The following PAQR5 variants were observed in gnomAD, a reference collection of about 807,000 sequenced individuals.
The protein encoded by PAQR5 is membrane progestin receptor gamma.
PAQR5 carries 20 observed loss-of-function variants against 34.5 expected under a neutral mutation model. That is an observed-to-expected ratio of 0.58 (90% CI 0.41 to 0.84). The LOEUF (loss-of-function observed/expected upper bound fraction) is 0.84. PAQR5 is among the 40% of genes least tolerant of loss of function. The pLI, the probability that PAQR5 is intolerant of heterozygous loss-of-function variation, is 0.00. For missense variants in PAQR5, 378 were observed against 412.7 expected, an observed-to-expected ratio of 0.92 and a Z score of 0.73; for synonymous variants, 131 against 155.6, an observed-to-expected ratio of 0.84 and a Z score of 1.18.
intron 2 of PAQR5, among the ~76,000 whole-genome samples, chr15:69,346,318 T>TTC (rs2054769589): frequency 7.0e-6 from 1 of 143,874 alleles, no homozygotes; most frequent in Non-Finnish European, 1.5e-5. Context: ...TTTTTTTTTT[T>TTC]TTTTTGCGAC....
chr15:69,362,543 G>A (rs1465432985), intron 3 of PAQR5, among the ~76,000 whole-genome samples: 1 of 152,182 alleles, frequency 6.6e-6, no homozygotes, highest in Non-Finnish European at 1.5e-5. Context: ...TACCTTTGGT[G>A]GGATCTGTGG....
At chr15:69,380,552 T>C (rs1450367134) in intron 4 of PAQR5, among the ~76,000 whole-genome samples, 1 of 152,100 alleles carries the variant, frequency 6.6e-6, no homozygotes, top group Non-Finnish European at 1.5e-5. Flanking sequence ...AGGCAGCCTG[T>C]AGATGGAGCC....
At position 69,312,578 on chromosome 15, in the gene PAQR5, C is replaced by G. The variant is rs538351624; in HGVS notation, c.-277+13522C>G. Among the ~76,000 whole-genome samples, 12 of 151,816 alleles carry G rather than the reference C, an allele frequency of 7.9e-5. No individual in the cohort carries two copies. In the South Asian group the frequency reaches 2.5e-3, roughly 32 times the overall value. ...AACTTCGCTCCCATCTGAAGTGAGCCTCAGCCCTCTTGGTGCCTTCTTCCT... is the reference window on the plus strand; with the variant it reads ...AACTTCGCTCCCATCTGAAGTGAGCGTCAGCCCTCTTGGTGCCTTCTTCCT... On this transcript the variant is annotated intron_variant, in intron 1 of 8. Coordinates refer to ENST00000395407, the MANE Select transcript of PAQR5 (RefSeq NM_017705.4).
intron 1 of PAQR5, among the ~76,000 whole-genome samples, chr15:69,331,820 G>C (rs2054386472): frequency 6.6e-6 from 1 of 152,216 alleles, no homozygotes; most frequent in Non-Finnish European, 1.5e-5. Flanking sequence ...TTGCTGGGAT[G>C]GAAAATGTTA....
chr15:69,335,368 C>T (rs1433925181), intron 1 of PAQR5, among the ~76,000 whole-genome samples: 1 of 147,150 alleles, frequency 6.8e-6, no homozygotes, highest in East Asian at 2.1e-4. Flanking sequence ...GCCTCAGCTG[C>T]CCAAGTAGCT....
intron 3 of PAQR5, among the ~76,000 whole-genome samples, chr15:69,371,015 C>T (rs1372711234): frequency 6.6e-6 from 1 of 152,044 alleles, no homozygotes; most frequent in East Asian, 1.9e-4. Context: ...GTGTTTATTC[C>T]ATATAATTTA....
At chr15:69,302,027 C>T (rs1037102515) in intron 1 of PAQR5, among the ~76,000 whole-genome samples, 9 of 151,466 alleles carry the variant, frequency 5.9e-5, no homozygotes, top group African/African-American at 1.9e-4. Flanking sequence ...TGTCTCTCAG[C>T]GGCTTCCTCC....
At chr15:69,343,971 C>T (rs965424998) in intron 2 of PAQR5, among the ~76,000 whole-genome samples, 1 of 152,128 alleles carries the variant, frequency 6.6e-6, no homozygotes, top group African/African-American at 2.4e-5. Context: ...GTGGCTGGGA[C>T]CACAGGCACA....
chr15:69,325,866 A>T (rs1185798964), intron 1 of PAQR5, among the ~76,000 whole-genome samples: 1 of 151,474 alleles, frequency 6.6e-6, no homozygotes, highest in Admixed American at 6.6e-5. Context: ...GTGAACGCTT[A>T]TCATCACCTC....
chr15:69,302,957 A>G (rs553680347), intron 1 of PAQR5, among the ~76,000 whole-genome samples: 1 of 152,034 alleles, frequency 6.6e-6, no homozygotes, highest in East Asian at 1.9e-4. Context: ...TTCATTTTCC[A>G]TGGCTCACAT....
chr15:69,331,139 G>C (rs2054370688), intron 1 of PAQR5, among the ~76,000 whole-genome samples: 1 of 152,188 alleles, frequency 6.6e-6, no homozygotes, highest in Non-Finnish European at 1.5e-5. Flanking sequence ...TGGGGTGTCT[G>C]TCTGTAGCCC....
intron 1 of PAQR5, among the ~76,000 whole-genome samples, chr15:69,331,532 A>G (rs942416519): frequency 6.6e-6 from 1 of 152,046 alleles, no homozygotes; most frequent in Admixed American, 6.5e-5. Flanking sequence ...AGAGGTTGCT[A>G]ATGGAAGTCC....
At chr15:69,301,368 G>A (rs556958047) in intron 1 of PAQR5, among the ~76,000 whole-genome samples, 24 of 152,292 alleles carry the variant, frequency 1.6e-4, no homozygotes, top group African/African-American at 5.1e-4. Flanking sequence ...AGGAGAGGCC[G>A]AGGCTGGTGG....
intron 1 of PAQR5, among the ~76,000 whole-genome samples, chr15:69,307,561 AG>A (rs1247995747): frequency 2.0e-5 from 3 of 152,074 alleles, no homozygotes; most frequent in African/African-American, 4.8e-5. Context: ...TGAGGGTAGG[AG>A]GGGCTGGGGA....
intron 1 of PAQR5, among the ~76,000 whole-genome samples, chr15:69,325,546 A>G (rs1421872324): frequency 1.3e-5 from 2 of 152,124 alleles, no homozygotes; most frequent in Non-Finnish European, 2.9e-5. Flanking sequence ...CTTTCCTACC[A>G]TAGCTTTGGA....
At chr15:69,347,465 C>T (rs1354333624) in intron 2 of PAQR5, among the ~76,000 whole-genome samples, 1 of 152,192 alleles carries the variant, frequency 6.6e-6, no homozygotes, top group African/African-American at 2.4e-5. Flanking sequence ...GAAACTTACA[C>T]CCCATATTTT....
chr15:69,331,877 A>C (rs905813552), intron 1 of PAQR5, among the ~76,000 whole-genome samples: 2 of 152,190 alleles, frequency 1.3e-5, no homozygotes, highest in Non-Finnish European at 2.9e-5. Flanking sequence ...GCAAATTGAG[A>C]ATCTTGCCTA....
intron 1 of PAQR5, among the ~76,000 whole-genome samples, chr15:69,318,792 C>T (rs1256967082): frequency 6.6e-6 from 1 of 151,616 alleles, no homozygotes; most frequent in Non-Finnish European, 1.5e-5. Context: ...AAGGATTAAC[C>T]ACCATAATAA....
intron 4 of PAQR5, among the ~76,000 whole-genome samples, chr15:69,381,751 A>G (rs1291706611): frequency 6.6e-6 from 1 of 152,182 alleles, no homozygotes; most frequent in African/African-American, 2.4e-5. Flanking sequence ...AATTGAAATA[A>G]CTGAAGGATA....
Sources: allele counts gnomAD v4.1 joint callset (sites outside exome capture counted in the v4.1 genomes callset), GRCh38; gene constraint gnomAD v4.1.1; transcripts MANE v1.5; gene names NCBI Gene and HGNC (gene_info 2026-07-23, HGNC 2026-07-21).